The following OCRL variants were observed in gnomAD, a reference collection of about 807,000 sequenced individuals.
The protein encoded by OCRL is inositol polyphosphate 5-phosphatase OCRL.
OCRL carries 8 observed loss-of-function variants against 78.9 expected under a neutral mutation model. The ratio of observed to expected loss-of-function variants is 0.10; its 90% CI spans 0.06 to 0.18. OCRL has a LOEUF of 0.18. OCRL is among the 10% of genes least tolerant of loss of function. The pLI, the probability that OCRL is intolerant of heterozygous loss-of-function variation, is 1.00. For missense variants in OCRL, 454 were observed against 696.7 expected (o/e 0.65, Z 3.92); for synonymous variants, 240 against 235.4 (o/e 1.02, Z -0.18).
chrX:129,569,040 A>G (rs987847275), intron 14 of OCRL, among the ~76,000 whole-genome samples: 3 of 112,395 alleles, frequency 2.7e-5, no homozygotes, highest in Non-Finnish European at 5.6e-5. Flanking sequence ...TTTGCACCAG[A>G]TACCATGCTA....
intron 4 of OCRL, among the ~76,000 whole-genome samples, chrX:129,553,654 G>A (rs1935997502): frequency 8.9e-6 from 1 of 111,879 alleles, no homozygotes; most frequent in South Asian, 3.7e-4. Flanking sequence ...GATGAGATGA[G>A]TACAAATACA....
At position 129,569,399 on chromosome X, in the gene OCRL, G is replaced by T. The variant is rs773214157; in HGVS notation, c.1602G>T (p.Gly534=). Residue 534 remains glycine, a splice_region_variant and synonymous_variant, in exon 15 of 24, where the codon GGG becomes GGT. Coordinates refer to ENST00000371113, the MANE Select transcript of OCRL (RefSeq NM_000276.4). ...CTGTTAGCGCCCTCTTCCATATTGG[G>T]GTAAACACTTGTTTGTACATTCATT... The part of the protein sequence containing the change: ...HKPVSALFHI[G]VKVVDERRYR... 8.3e-7 allele frequency: 1 copy of T among 1,208,549 alleles called. No homozygotes were observed. The highest frequency in any genetic ancestry group is 1.1e-6 in the Non-Finnish European group (1 of 892,849).
chrX:129,557,500 T>TA (rs1422947925), intron 5 of OCRL, 65 bp downstream of exon 5: 2 of 1,022,915 alleles, frequency 2.0e-6, no homozygotes, highest in Non-Finnish European at 2.7e-6. Flanking sequence ...GACATGCTGA[T>TA]ACAGAGGAAA....
At chrX:129,577,141 A>G (rs964762286) in intron 18 of OCRL, among the ~76,000 whole-genome samples, 4 of 111,712 alleles carry the variant, frequency 3.6e-5, no homozygotes, top group Non-Finnish European at 5.6e-5. Flanking sequence ...GGTGCTTATT[A>G]CAGGTACCCT....
At chrX:129,578,779 C>G (rs1936404478) in intron 18 of OCRL, among the ~76,000 whole-genome samples, 1 of 111,061 alleles carries the variant, frequency 9.0e-6, no homozygotes, top group South Asian at 3.8e-4. Context: ...TTTTTGTGCA[C>G]AAGTGATTGA....
At chrX:129,548,454 T>G (rs962918033) in intron 3 of OCRL, 109 bp from the exon 4 acceptor site, 1 of 621,773 alleles carries the variant, frequency 1.6e-6, no homozygotes, top group Non-Finnish European at 2.8e-6. Context: ...TTCTAAGACC[T>G]AGGAGTAGTG....
At chrX:129,568,872 A>G (rs1441700690) in intron 14 of OCRL, among the ~76,000 whole-genome samples, 1 of 112,777 alleles carries the variant, frequency 8.9e-6, no homozygotes, top group Non-Finnish European at 1.9e-5. Flanking sequence ...GTTGATGCTC[A>G]TAGAGTAAAG....
chrX:129,540,332 G>T lies in OCRL; in HGVS notation c.-108G>T. On this transcript the variant is annotated 5_prime_UTR_variant, in exon 1 of 24. Coordinates refer to ENST00000371113, the MANE Select transcript of OCRL (RefSeq NM_000276.4). ...GGCGCCCGGCGCCCGGCGCGGAGCT[G>T]TTCCTCAAACGACACGCAGCCGAGG... The T allele has an allele frequency of 1.1e-6, 1 of 901,520 alleles. No individual in the cohort carries two copies. Among genetic ancestry groups the T allele is most frequent in the Non-Finnish European group, 1.6e-6 (1 of 644,013 alleles). The allele number at this position is 901,520 out of a possible 1,213,427, so 74.3% of individuals were successfully genotyped here.
At chrX:129,565,029 T>G (rs1194999437) in intron 12 of OCRL, among the ~76,000 whole-genome samples, 1 of 112,032 alleles carries the variant, frequency 8.9e-6, no homozygotes, top group African/African-American at 3.2e-5. Flanking sequence ...TGTATGGTCA[T>G]GAAGTTGCCA....
At position 129,559,066 on chromosome X, in the gene OCRL, A is replaced by G. The variant is rs1209613744; in HGVS notation, c.722+65A>G. 5.1e-6 allele frequency: 5 copies of G among 988,784 alleles called. No individual in the cohort carries two copies. In the African/African-American group the frequency reaches 9.6e-5, roughly 19 times the overall value. 81.5% of individuals were successfully genotyped at this position (988,784 alleles called of 1,213,427 possible). A position where few individuals can be genotyped will look rare whatever the true frequency, so the allele number is the denominator to read the frequency against. ...ATATATAACAGACAGTGGCCTGTTG[A>G]TATTTAAGACATTAGCCTAATTAAG... On this transcript the variant is annotated intron_variant, in intron 8 of 23. Coordinates refer to ENST00000371113, the MANE Select transcript of OCRL (RefSeq NM_000276.4).
chrX:129,549,187 A>G (rs754899490), intron 4 of OCRL, among the ~76,000 whole-genome samples: 1 of 111,868 alleles, frequency 8.9e-6, no homozygotes, highest in Non-Finnish European at 1.9e-5. Context: ...CTTCTTTTCA[A>G]TGTTTCCATT....
In OCRL at chrX:129,588,236, C is replaced by T. The variant is rs1239931997; in HGVS notation, c.2314C>T (p.Leu772=). 5.0e-6 allele frequency: 6 copies of T among 1,205,507 alleles called. No homozygotes were observed. In the East Asian group the frequency reaches 1.5e-4, roughly 30 times the overall value. Residue 772 remains leucine (L), a synonymous_variant, in exon 21 of 24, where the codon CTG becomes TTG. Transcript: ENST00000371113. ...QEELQQIIDC[L]DTSIPETIPG... is the part of the protein sequence containing the mutation. ...AGAGCTCCAGCAGATCATTGATTGTCTGGATACCAGCATTCCTGAGACAAT... is the reference window on the plus strand; with the variant it reads ...AGAGCTCCAGCAGATCATTGATTGTTTGGATACCAGCATTCCTGAGACAAT...
chrX:129,577,040 C>G (rs1464858156), intron 18 of OCRL, among the ~76,000 whole-genome samples: 1 of 111,186 alleles, frequency 9.0e-6, no homozygotes, highest in African/African-American at 3.3e-5. Flanking sequence ...TCACTAATAC[C>G]ACATTATATC....
rs777350937 is a variant in OCRL, at chrX:129,557,317, C to A, written c.239-8C>A. Reference sequence around the variant, plus strand: ...AGCAGTATATGTATGGATTTCAATTCTTTTTAGGTGGCTGCAAAATTCGGG... The same window carrying A: ...AGCAGTATATGTATGGATTTCAATTATTTTTAGGTGGCTGCAAAATTCGGG... On this transcript the variant is annotated splice_polypyrimidine_tract_variant and splice_region_variant and intron_variant, in intron 4 of 23. Transcript: ENST00000371113. 7.5e-6 allele frequency: 9 copies of A among 1,204,789 alleles called. No homozygotes were observed. The highest frequency in any genetic ancestry group is 7.9e-6 in the Non-Finnish European group (7 of 889,314).
At position 129,558,843 on chromosome X, in the gene OCRL, T is replaced by C; in HGVS notation, c.564T>C (p.Leu188=). The change falls in exon 8 of 24, where the codon CTT becomes CTC. Residue 188 remains leucine, a synonymous_variant. Coordinates refer to ENST00000371113, the MANE Select transcript of OCRL (RefSeq NM_000276.4). ...GAATCTCTCATTTATTTGCTAGGCT[T>C]CCACGTGAAAAAGAAGCTTCTAACA... ...PPPPFSVNKM[L]PREKEASNKE... The C allele has an allele frequency of 8.2e-7, 1 of 1,212,157 alleles. No individual in the cohort carries two copies.
At chrX:129,560,162 C>T (rs751058167) in intron 8 of OCRL, among the ~76,000 whole-genome samples, 1 of 112,177 alleles carries the variant, frequency 8.9e-6, no homozygotes, top group East Asian at 2.8e-4. Context: ...CTGGAGTCAA[C>T]TATAGCCCCT....
At chrX:129,562,552 C>G (rs1329756507) in intron 11 of OCRL, 47 bp from the exon 12 acceptor site, 1 of 1,189,269 alleles carries the variant, frequency 8.4e-7, no homozygotes. Flanking sequence ...ATGTAAAGTT[C>G]AGTTGCTTGT....
intron 5 of OCRL, 125 bp from the exon 6 acceptor site, chrX:129,557,736 C>T (rs1050062186): frequency 6.9e-6 from 4 of 582,859 alleles, no homozygotes; most frequent in African/African-American, 6.7e-5. Context: ...TAGTTTCTTC[C>T]ACTGTATCCA....
intron 2 of OCRL, among the ~76,000 whole-genome samples, chrX:129,541,096 T>G (rs1935791978): frequency 8.9e-6 from 1 of 112,259 alleles, no homozygotes; most frequent in Non-Finnish European, 1.9e-5. Context: ...AACTGACATG[T>G]GTTGTGTAAC....
Sources: allele counts gnomAD v4.1 joint callset (sites outside exome capture counted in the v4.1 genomes callset), GRCh38; gene constraint gnomAD v4.1.1; transcripts MANE v1.5; gene names NCBI Gene and HGNC (gene_info 2026-07-23, HGNC 2026-07-21).